ANXA4: variants seen among roughly 807,000 people sequenced by gnomAD.
ANXA4 encodes the protein 35-beta calcimedin.
A neutral mutation model predicts 49.8 loss-of-function variants in ANXA4; 39 were observed. That is an observed-to-expected ratio of 0.78 (90% CI 0.61 to 1.02). The LOEUF (loss-of-function observed/expected upper bound fraction) is 1.02, where lower values mean the gene tolerates loss of function less well. Among genes scored for constraint, ANXA4 ranks in the 50% least tolerant of loss-of-function variants. ANXA4 has a pLI of 0.00. For missense variants in ANXA4, 360 were observed against 410.1 expected (o/e 0.88, Z 1.05); for synonymous variants, 134 against 152.5 (o/e 0.88, Z 0.89).
At chr2:69,710,829 G>A (rs529807720) in intron 2 of ANXA4, among the ~76,000 whole-genome samples, 1 of 152,244 alleles carries the variant, frequency 6.6e-6, no homozygotes, top group African/African-American at 2.4e-5. Context: ...TGGAGCAACT[G>A]GAATTCTCAT....
chr2:69,773,643 TTTG>T lies in ANXA4; in HGVS notation c.-46-7874_-46-7872del, dbSNP rs1192836059. 1.5e-3 allele frequency among the ~76,000 whole-genome samples: 213 copies of T among 141,902 alleles called. 3 individuals carry two copies. The highest frequency in any genetic ancestry group is 5.3e-3 in the African/African-American group (202 of 37,886). 93.1% of individuals were successfully genotyped at this position (141,902 alleles called of 152,430 possible). A position where few individuals can be genotyped will look rare whatever the true frequency, so the allele number is the denominator to read the frequency against. Reference sequence around the variant, plus strand: ...CTTCTTTTTTTTTTTTTTTTTTTTTTTTGTTTTCGACAGAGTCTTGCTCTGTCA... The same window carrying T: ...CTTCTTTTTTTTTTTTTTTTTTTTTTTTTTCGACAGAGTCTTGCTCTGTCA... On this transcript the variant is annotated intron_variant, in intron 1 of 12. Transcript: ENST00000394295.
At chr2:69,721,495 C>T (rs1335157459) in intron 3 of ANXA4, among the ~76,000 whole-genome samples, 1 of 152,044 alleles carries the variant, frequency 6.6e-6, no homozygotes, top group African/African-American at 2.4e-5. Flanking sequence ...ATTGCTTGAG[C>T]CCAGGAGTTG....
intron 3 of ANXA4, among the ~76,000 whole-genome samples, chr2:69,731,960 A>G (rs1478709679): frequency 6.7e-6 from 1 of 148,714 alleles, no homozygotes; most frequent in African/African-American, 2.5e-5. Context: ...GCTATTTCTT[A>G]GTTACATTTT....
At chr2:69,737,681 C>G (rs905900728), upstream of ANXA4, among the ~76,000 whole-genome samples, 3 of 152,054 alleles carry the variant, frequency 2.0e-5, no homozygotes, top group African/African-American at 7.2e-5. Flanking sequence ...TGGTCATAGC[C>G]TCAAACTCCT....
At chr2:69,742,800 A>G (rs1010222642) in intron 1 of ANXA4, among the ~76,000 whole-genome samples, 7 of 152,142 alleles carry the variant, frequency 4.6e-5, no homozygotes, top group African/African-American at 1.7e-4. Flanking sequence ...TACCGGCAGA[A>G]GTGACCCCCG....
intron 2 of ANXA4, among the ~76,000 whole-genome samples, chr2:69,708,339 G>T (rs943613299): frequency 1.3e-5 from 2 of 152,148 alleles, no homozygotes; most frequent in African/African-American, 4.8e-5. Context: ...CTACGGACAC[G>T]ACTAGCCAGG....
At chr2:69,738,070 T>C (rs1670289353), upstream of ANXA4, among the ~76,000 whole-genome samples, 1 of 152,226 alleles carries the variant, frequency 6.6e-6, no homozygotes, top group Non-Finnish European at 1.5e-5. Context: ...GACATACTTA[T>C]AGTACATAAG....
intron 3 of ANXA4, among the ~76,000 whole-genome samples, chr2:69,789,428 A>C (rs1471326063): frequency 6.6e-6 from 1 of 152,150 alleles, no homozygotes; most frequent in African/African-American, 2.4e-5. Flanking sequence ...ACCGACATGC[A>C]ATGTGTGGAA....
chr2:69,706,971 GA>G (rs1678519974), intron 2 of ANXA4, among the ~76,000 whole-genome samples: 1 of 152,100 alleles, frequency 6.6e-6, no homozygotes, highest in Non-Finnish European at 1.5e-5. Flanking sequence ...TCTGGTGTTG[GA>G]AAACCCTTTC....
chr2:69,689,099 CT>C (rs1399446737), intron 2 of ANXA4, among the ~76,000 whole-genome samples: 1 of 150,348 alleles, frequency 6.7e-6, no homozygotes, highest in African/African-American at 2.4e-5. Context: ...TTTTCTTTTC[CT>C]TTTTTTTTGG....
chr2:69,677,571 A>G (rs1677453513), intron 2 of ANXA4, among the ~76,000 whole-genome samples: 1 of 152,180 alleles, frequency 6.6e-6, no homozygotes. Context: ...ATTCTCTCTT[A>G]TAGCTACATC....
chr2:69,675,877 G>A (rs1677393525), intron 2 of ANXA4, among the ~76,000 whole-genome samples: 1 of 151,816 alleles, frequency 6.6e-6, no homozygotes, highest in Non-Finnish European at 1.5e-5. Context: ...CAAAAAATTA[G>A]CCAAGCGTGG....
intron 3 of ANXA4, among the ~76,000 whole-genome samples, chr2:69,728,740 G>C (rs1670024896): frequency 6.6e-6 from 1 of 152,168 alleles, no homozygotes; most frequent in South Asian, 2.1e-4. Flanking sequence ...ATCTGTATAT[G>C]AATACCACAC....
chr2:69,771,427 C>G (rs935504255), intron 1 of ANXA4, among the ~76,000 whole-genome samples: 8 of 152,204 alleles, frequency 5.3e-5, no homozygotes, highest in African/African-American at 7.2e-5. Flanking sequence ...TTCCAGCAAG[C>G]CTGCTTCAAC....
chr2:69,669,739 T>TA (rs1267038839), intron 2 of ANXA4, among the ~76,000 whole-genome samples: 3 of 152,190 alleles, frequency 2.0e-5, no homozygotes, highest in African/African-American at 4.8e-5. Flanking sequence ...ACATAGTTTA[T>TA]ATAATCTAAT....
chr2:69,718,019 C>T (rs1006157677), intron 2 of ANXA4, among the ~76,000 whole-genome samples: 9 of 152,172 alleles, frequency 5.9e-5, no homozygotes, highest in Admixed American at 3.3e-4. Flanking sequence ...CTAGGTCAGG[C>T]ATAGCTCAGT....
At chr2:69,804,042 G>T (rs911727408) in intron 3 of ANXA4, among the ~76,000 whole-genome samples, 4 of 151,386 alleles carry the variant, frequency 2.6e-5, no homozygotes, top group African/African-American at 9.7e-5. Context: ...GGAGGCTGAG[G>T]CAGGAGAATC....
chr2:69,659,897 A>G (rs1223808170), intron 2 of ANXA4, among the ~76,000 whole-genome samples: 1 of 151,946 alleles, frequency 6.6e-6, no homozygotes, highest in Non-Finnish European at 1.5e-5. Context: ...GTCATAAGTC[A>G]AGAACTTGGA....
chr2:69,799,306 T>C (rs1045890324), intron 3 of ANXA4, among the ~76,000 whole-genome samples: 1 of 152,128 alleles, frequency 6.6e-6, no homozygotes, highest in Non-Finnish European at 1.5e-5. Flanking sequence ...TTAGTGCACC[T>C]AAAGGGAAAG....
Sources: allele counts gnomAD v4.1 joint callset (sites outside exome capture counted in the v4.1 genomes callset), GRCh38; gene constraint gnomAD v4.1.1; transcripts MANE v1.5; gene names NCBI Gene and HGNC (gene_info 2026-07-23, HGNC 2026-07-21).